IQANK1: variants seen among roughly 807,000 people sequenced by gnomAD.
IQANK1 encodes IQ motif and ankyrin repeat containing 1.
IQANK1 carries 30 observed loss-of-function variants against 22.6 expected under a neutral mutation model. The observed-to-expected ratio is 1.33, with a 90% CI of 0.99 to 1.80. IQANK1 has a LOEUF of 1.80. Ranked by LOEUF, IQANK1 falls within the 40% of genes most tolerant of loss-of-function variation. The pLI is 0.00. For missense variants in IQANK1, 275 were observed against 235.2 expected (o/e 1.17, Z -1.11); for synonymous variants, 122 against 99.6 (o/e 1.23, Z -1.34).
chr8:143,760,738 T>A (rs1819379565), intron 3 of IQANK1, among the ~76,000 whole-genome samples: 1 of 152,176 alleles, frequency 6.6e-6, no homozygotes, highest in Non-Finnish European at 1.5e-5. Context: ...ACAGCTATTA[T>A]AAGTTTAAAG....
chr8:143,768,088 G>A lies in IQANK1; in HGVS notation c.176-3400G>A, dbSNP rs186471426. On this transcript the variant is annotated intron_variant, in intron 3 of 13. Coordinates refer to ENST00000527139, the MANE Select transcript of IQANK1 (RefSeq NM_001381874.1). ...AGTAGAGACGGGGTTTCACCATGTC[G>A]GCCAGGTTGGTCTCAAACTCCTGAC... 5.7e-3 allele frequency among the ~76,000 whole-genome samples: 862 copies of A among 151,268 alleles called. 3 individuals carry two copies. The highest frequency in any genetic ancestry group is 0.018 in the African/African-American group (731 of 41,264).
At chr8:143,766,328 C>G (rs1222824660) in intron 3 of IQANK1, among the ~76,000 whole-genome samples, 1 of 152,110 alleles carries the variant, frequency 6.6e-6, no homozygotes, top group African/African-American at 2.4e-5. Context: ...AATACCTTCT[C>G]CCACTCACTG....
intron 7 of IQANK1, among the ~76,000 whole-genome samples, chr8:143,777,559 C>G (rs1819713966): frequency 6.8e-6 from 1 of 147,846 alleles, no homozygotes; most frequent in African/African-American, 2.5e-5. Flanking sequence ...AAAAAAAAAT[C>G]CCAAAATATA....
chr8:143,757,108 G>A (rs1445252701), intron 3 of IQANK1, among the ~76,000 whole-genome samples: 1 of 152,236 alleles, frequency 6.6e-6, no homozygotes, highest in African/African-American at 2.4e-5. Flanking sequence ...GACAGTCAGA[G>A]TGTCACTGAT....
At chr8:143,736,251 T>G (rs1818736120) in intron 2 of IQANK1, among the ~76,000 whole-genome samples, 1 of 152,058 alleles carries the variant, frequency 6.6e-6, no homozygotes, top group Admixed American at 6.6e-5. Context: ...GTGAGTCTTG[T>G]GCTTCAGCCT....
chr8:143,789,522 G>A lies in IQANK1; in HGVS notation c.1080G>A (p.Thr360=), dbSNP rs1280506846. ...EWRCMDKTKL[T]LQAIKDTEAQ... is the part of the protein sequence containing the mutation. ...GGTGCATGGACAAGACCAAGCTCAC[G>A]CTGCAGGTGGGGGCCCGTGGTGGAC... The change falls in exon 10 of 14, where the codon ACG becomes ACA. Residue 360 remains threonine, a synonymous_variant. Transcript: ENST00000527139. 8.9e-6 allele frequency: 11 copies of A among 1,232,254 alleles called. No individual in the cohort carries two copies. The South Asian group carries it at 1.2e-4, about 14-fold the overall frequency. 76.3% of individuals were successfully genotyped at this position (1,232,254 alleles called of 1,614,324 possible).
intron 3 of IQANK1, among the ~76,000 whole-genome samples, chr8:143,764,215 C>A (rs948199282): frequency 6.6e-6 from 1 of 152,042 alleles, no homozygotes; most frequent in African/African-American, 2.4e-5. Flanking sequence ...AGAAAAAAAA[C>A]GAACAAAACC....
intron 3 of IQANK1, among the ~76,000 whole-genome samples, chr8:143,740,885 G>T (rs1344043485): frequency 2.0e-5 from 3 of 152,252 alleles, no homozygotes; most frequent in Non-Finnish European, 2.9e-5. Flanking sequence ...GAGCACCTCC[G>T]CGGAAGGCCC....
intron 2 of IQANK1, chr8:143,739,608 G>A: frequency 2.4e-6 from 1 of 412,062 alleles, no homozygotes; most frequent in Non-Finnish European, 4.3e-6. Context: ...GCCCACAAGA[G>A]CCCAGGTGCC....
At chr8:143,743,904 G>A in intron 3 of IQANK1, 2 of 419,764 alleles carry the variant, frequency 4.8e-6, no homozygotes, top group Non-Finnish European at 9.5e-6. Context: ...CTGGGGCTTG[G>A]CTCACTGCTA....
chr8:143,739,560 G>T, intron 2 of IQANK1: 1 of 328,240 alleles, frequency 3.0e-6, no homozygotes, highest in Non-Finnish European at 5.5e-6. Flanking sequence ...CCAGCCCACA[G>T]GGTCCTTCTA....
intron 3 of IQANK1, among the ~76,000 whole-genome samples, chr8:143,740,612 C>T (rs1248635774): frequency 6.6e-6 from 1 of 152,276 alleles, no homozygotes; most frequent in Non-Finnish European, 1.5e-5. Context: ...GGGCTCCTCT[C>T]CGCGGAGCCG....
At chr8:143,755,576 C>G (rs1393284745) in intron 3 of IQANK1, among the ~76,000 whole-genome samples, 1 of 152,116 alleles carries the variant, frequency 6.6e-6, no homozygotes, top group Non-Finnish European at 1.5e-5. Context: ...GTTGGCCAGG[C>G]TGGTCTCAAA....
chr8:143,789,911 A>T, intron 11 of IQANK1, 42 bp downstream of exon 11: 1 of 1,231,804 alleles, frequency 8.1e-7, no homozygotes, highest in Non-Finnish European at 1.0e-6. Flanking sequence ...TGGGACATAC[A>T]GCCCAGGGCG....
chr8:143,773,316 A>C (rs1269259876), intron 7 of IQANK1, among the ~76,000 whole-genome samples: 17 of 139,154 alleles, frequency 1.2e-4, no homozygotes, highest in Non-Finnish European at 2.2e-4. Context: ...AAAAAAAAAA[A>C]CAAAAAAAAC....
At chr8:143,737,736 C>T (rs1234973361) in intron 2 of IQANK1, among the ~76,000 whole-genome samples, 2 of 152,204 alleles carry the variant, frequency 1.3e-5, no homozygotes, top group Non-Finnish European at 2.9e-5. Context: ...TGTACCCAGG[C>T]CTGCTCCTCC....
chr8:143,750,667 A>T (rs1266301068), intron 3 of IQANK1, among the ~76,000 whole-genome samples: 1 of 152,068 alleles, frequency 6.6e-6, no homozygotes, highest in East Asian at 1.9e-4. Flanking sequence ...ACAGAAAATT[A>T]GCCAGGCATG....
rs550487518 is a variant in IQANK1, at chr8:143,757,359, C to T, written c.176-14129C>T. 3.4e-5 allele frequency among the ~76,000 whole-genome samples: 5 copies of T among 147,012 alleles called. No homozygotes were observed. The East Asian group carries it at 8.0e-4, about 23-fold the overall frequency. ...TCTTTCTTTTTTTTTTTTTTTGAGA[C>T]GGAGTCTCACTCTGTCACCCAGGCT... is the stretch of plus-strand genomic sequence containing the variant. On this transcript the variant is annotated intron_variant, in intron 3 of 13. Coordinates refer to ENST00000527139, the MANE Select transcript of IQANK1 (RefSeq NM_001381874.1).
chr8:143,771,288 C>T lies in IQANK1; in HGVS notation c.176-200C>T, dbSNP rs1228909730. ...AGGTTCCCGCAGACCTGGGTCCTCTCCGCGTCCCGGGCTCTCGCGCAGCCT... is the reference window on the plus strand; with the variant it reads ...AGGTTCCCGCAGACCTGGGTCCTCTTCGCGTCCCGGGCTCTCGCGCAGCCT... On this transcript the variant is annotated intron_variant, in intron 3 of 13. Coordinates refer to ENST00000527139, the MANE Select transcript of IQANK1 (RefSeq NM_001381874.1). The surrounding 1 kb of genome is among the most constrained non-coding windows in gnomAD (Gnocchi z 6.0). 1.3e-5 allele frequency among the ~76,000 whole-genome samples: 2 copies of T among 151,974 alleles called. No individual in the cohort carries two copies. The highest frequency in any genetic ancestry group is 1.3e-4 in the Admixed American group (2 of 15,270).
Sources: allele counts gnomAD v4.1 joint callset (sites outside exome capture counted in the v4.1 genomes callset), GRCh38; gene constraint gnomAD v4.1.1; non-coding constraint Gnocchi (gnomAD v3.1); transcripts MANE v1.5; gene names NCBI Gene and HGNC (gene_info 2026-07-23, HGNC 2026-07-21).